Variants in GPC5 observed in about 807,000 individuals in gnomAD.
GPC5 encodes the protein glypican 5, also known as glypican-5.
A neutral mutation model predicts 53.9 loss-of-function variants in GPC5; 47 were observed. That is an observed-to-expected ratio of 0.87 (90% CI 0.69 to 1.11). GPC5 has a LOEUF of 1.11. Ranked by LOEUF, GPC5 falls within the 50% of genes most tolerant of loss-of-function variation. The pLI is 0.00. For missense variants in GPC5, 748 were observed against 713.1 expected (o/e 1.05, Z -0.56); for synonymous variants, 286 against 263.3 (o/e 1.09, Z -0.84).
At chr13:92,721,842 G>T (rs751303253) in intron 7 of GPC5, among the ~76,000 whole-genome samples, 5 of 151,892 alleles carry the variant, frequency 3.3e-5, no homozygotes, top group Non-Finnish European at 7.4e-5. Flanking sequence ...GTTTAATGAG[G>T]CAAGGAAAAA....
intron 7 of GPC5, among the ~76,000 whole-genome samples, chr13:92,692,798 T>C: frequency 7.5e-6 from 1 of 133,312 alleles, no homozygotes; most frequent in Non-Finnish European, 1.6e-5. Context: ...AAAGCCACTC[T>C]GACTGGTGGA....
chr13:91,777,019 C>T lies in GPC5; in HGVS notation c.1280+20599C>T, dbSNP rs79256158. Among the ~76,000 whole-genome samples the T allele has an allele frequency of 3.3e-3, 506 of 152,308 alleles. 3 individuals carry two copies. The highest frequency in any genetic ancestry group is 0.011 in the African/African-American group (473 of 41,574). On this transcript the variant is annotated intron_variant, in intron 5 of 7. Coordinates refer to ENST00000377067, the MANE Select transcript of GPC5 (RefSeq NM_004466.6). ...AAAAATGCTTTTAAAGCCCTTCCTG[C>T]TAACCTTTAACCCTAACGACTGTGC...
intron 6 of GPC5, among the ~76,000 whole-genome samples, chr13:91,964,942 A>G (rs1022747245): frequency 1.3e-5 from 2 of 152,232 alleles, no homozygotes; most frequent in East Asian, 3.9e-4. Flanking sequence ...AGGGACATGG[A>G]TGAAGCTGGA....
chr13:92,368,221 G>A (rs940443620), intron 7 of GPC5, among the ~76,000 whole-genome samples: 1 of 151,658 alleles, frequency 6.6e-6, no homozygotes, highest in African/African-American at 2.4e-5. Flanking sequence ...CTGACCTCAA[G>A]TGATCCGCCC....
At chr13:91,540,083 A>C (rs957061383) in intron 2 of GPC5, among the ~76,000 whole-genome samples, 1 of 152,332 alleles carries the variant, frequency 6.6e-6, no homozygotes, top group Non-Finnish European at 1.5e-5. Flanking sequence ...ACAGAAACCA[A>C]GATTATTCTT....
At chr13:92,344,283 G>A (rs998402214) in intron 7 of GPC5, among the ~76,000 whole-genome samples, 1 of 152,030 alleles carries the variant, frequency 6.6e-6, no homozygotes, top group Admixed American at 6.6e-5. Flanking sequence ...CAGCTCTCCT[G>A]AGAACTCACT....
chr13:91,549,359 G>A (rs1047303371), intron 2 of GPC5, among the ~76,000 whole-genome samples: 2 of 151,298 alleles, frequency 1.3e-5, no homozygotes, highest in African/African-American at 4.9e-5. Flanking sequence ...TTTTTAGATG[G>A]TACACCAAAG....
chr13:91,702,157 T>C (rs1221310785), intron 3 of GPC5, among the ~76,000 whole-genome samples: 1 of 152,214 alleles, frequency 6.6e-6, no homozygotes, highest in Admixed American at 6.5e-5. Context: ...TTTATTGTTA[T>C]TGAGTGTTTG....
At chr13:92,214,452 T>A (rs2042396201) in intron 7 of GPC5, among the ~76,000 whole-genome samples, 1 of 152,172 alleles carries the variant, frequency 6.6e-6, no homozygotes. Flanking sequence ...TCTGAGCCTC[T>A]AAAACTCTCC....
rs1018601571 is a variant in GPC5, at chr13:91,398,855, G to T, written c.-192G>T. ...TCAGCTGGAAAACTCTGGTGTCTCA[G>T]CTTAGGGCCTCCTCCGGGAAGAGCT... On this transcript the variant is annotated 5_prime_UTR_variant, in exon 1 of 8. Coordinates refer to ENST00000377067, the MANE Select transcript of GPC5 (RefSeq NM_004466.6). 3.3e-6 allele frequency: 2 copies of T among 607,600 alleles called. No individual in the cohort carries two copies. The highest frequency in any genetic ancestry group is 5.5e-6 in the Non-Finnish European group (2 of 360,730). The allele number at this position is 607,600 out of a possible 1,614,324, so 37.6% of individuals were successfully genotyped here. A position where few individuals can be genotyped will look rare whatever the true frequency, so the allele number is the denominator to read the frequency against.
chr13:92,391,296 T>A (rs943037425), intron 7 of GPC5, among the ~76,000 whole-genome samples: 1 of 152,140 alleles, frequency 6.6e-6, no homozygotes, highest in Admixed American at 6.5e-5. Flanking sequence ...CACAATTCTA[T>A]TAGTTTTGAA....
At chr13:92,360,353 A>G (rs564229873) in intron 7 of GPC5, among the ~76,000 whole-genome samples, 1 of 151,738 alleles carries the variant, frequency 6.6e-6, no homozygotes, top group Non-Finnish European at 1.5e-5. Flanking sequence ...AATCCATCCC[A>G]TAAACAGAAC....
At chr13:91,659,203 G>A (rs2034922614) in intron 2 of GPC5, among the ~76,000 whole-genome samples, 1 of 152,068 alleles carries the variant, frequency 6.6e-6, no homozygotes. Flanking sequence ...CATTCACACA[G>A]TGATTAAAAA....
intron 6 of GPC5, among the ~76,000 whole-genome samples, chr13:92,109,071 T>TA (rs1395869283): frequency 6.9e-6 from 1 of 145,198 alleles, no homozygotes; most frequent in Non-Finnish European, 1.5e-5. Flanking sequence ...GTTTTTTTTT[T>TA]TTTTTTTTTT....
chr13:92,753,140 T>C (rs1429105957), intron 7 of GPC5, among the ~76,000 whole-genome samples: 1 of 152,188 alleles, frequency 6.6e-6, no homozygotes, highest in Non-Finnish European at 1.5e-5. Context: ...GCTGGAGATC[T>C]GAGAATGGGC....
intron 7 of GPC5, among the ~76,000 whole-genome samples, chr13:92,821,300 G>A (rs1454357526): frequency 1.3e-5 from 2 of 152,142 alleles, no homozygotes; most frequent in Non-Finnish European, 2.9e-5. Context: ...TATTTTATCT[G>A]TATTCCTACT....
intron 2 of GPC5, among the ~76,000 whole-genome samples, chr13:91,599,547 G>A (rs1218849237): frequency 6.6e-6 from 1 of 151,946 alleles, no homozygotes; most frequent in African/African-American, 2.4e-5. Flanking sequence ...ATAATAATGT[G>A]CACACTTAAA....
chr13:92,453,482 C>T (rs900581501), intron 7 of GPC5, among the ~76,000 whole-genome samples: 2 of 151,854 alleles, frequency 1.3e-5, no homozygotes, highest in Non-Finnish European at 2.9e-5. Flanking sequence ...ATGAGCCCCG[C>T]GCCGACTCCA....
intron 7 of GPC5, among the ~76,000 whole-genome samples, chr13:92,424,024 G>A (rs1411372081): frequency 6.6e-6 from 1 of 152,082 alleles, no homozygotes; most frequent in Admixed American, 6.6e-5. Context: ...ATCAAGTTTT[G>A]TGTAAGATGA....
Sources: gnomAD v4.1 joint callset for allele counts (sites outside exome capture counted in the v4.1 genomes callset) on GRCh38, gnomAD v4.1.1 for gene constraint, MANE v1.5 for transcripts, NCBI Gene and HGNC (gene_info 2026-07-23, HGNC 2026-07-21) for gene names.